MACROD2: variants seen among roughly 807,000 people sequenced by gnomAD.
The protein encoded by MACROD2 is mono-ADP ribosylhydrolase 2, also known as ADP-ribose glycohydrolase MACROD2.
In MACROD2, 36 loss-of-function variants were observed where a neutral mutation model predicts 70.4. The observed-to-expected ratio is 0.51, with a 90% confidence interval of 0.39 to 0.68. The LOEUF is 0.68. Among genes scored for constraint, MACROD2 ranks in the 30% least tolerant of loss-of-function variants. The probability of loss-of-function intolerance (pLI) is 0.00; values close to 1 mark genes in which losing one functional copy is unlikely to be tolerated. For missense variants in MACROD2, 496 were observed against 538.4 expected (o/e 0.92, Z 0.78); for synonymous variants, 172 against 178.8 (o/e 0.96, Z 0.30).
intron 8 of MACROD2, among the ~76,000 whole-genome samples, chr20:15,697,460 T>G (rs1198971614): frequency 2.6e-5 from 4 of 152,202 alleles, no homozygotes; most frequent in African/African-American, 4.8e-5. Context: ...TTGAGGCCCC[T>G]TTTATGTCCT....
chr20:14,872,543 A>G (rs963106159), intron 5 of MACROD2, among the ~76,000 whole-genome samples: 3 of 152,118 alleles, frequency 2.0e-5, no homozygotes, highest in Admixed American at 6.6e-5. Flanking sequence ...AGTGGTATGA[A>G]TAGCTTTTGG....
intron 5 of MACROD2, among the ~76,000 whole-genome samples, chr20:15,140,121 T>A (rs1743473): frequency 0.58 from 88,268 of 152,024 alleles, 25,736 homozygotes; most frequent in East Asian, 0.61. Flanking sequence ...TAATTTTCTG[T>A]AGATTTTACC....
At position 15,444,324 on chromosome 20, in the gene MACROD2, T is replaced by A. The variant is rs568872226; in HGVS notation, c.571+12889T>A. 4.6e-5 allele frequency among the ~76,000 whole-genome samples: 7 copies of A among 152,346 alleles called. No homozygotes were observed. In the East Asian group the frequency reaches 1.4e-3, roughly 29 times the overall value. ...TTCAGGATATGTGCACTGTTTCTAC[T>A]TTTTGGCTGTTGTGAACGATGTTTA... On this transcript the variant is annotated intron_variant, in intron 7 of 17. Coordinates refer to ENST00000684519, the MANE Select transcript of MACROD2 (RefSeq NM_001351661.2).
intron 3 of MACROD2, among the ~76,000 whole-genome samples, chr20:14,238,741 C>A (rs939608387): frequency 5.3e-5 from 8 of 152,108 alleles, no homozygotes; most frequent in African/African-American, 1.9e-4. Context: ...AAATCAGCAG[C>A]CTTCTGACCA....
At chr20:16,001,202 A>G (rs1601302637) in intron 15 of MACROD2, among the ~76,000 whole-genome samples, 1 of 152,242 alleles carries the variant, frequency 6.6e-6, no homozygotes, top group South Asian at 2.1e-4. Flanking sequence ...GTATGTAAAA[A>G]GCAGGTGGTA....
At chr20:14,781,938 T>C (rs1600657852) in intron 5 of MACROD2, among the ~76,000 whole-genome samples, 2 of 152,154 alleles carry the variant, frequency 1.3e-5, no homozygotes, top group African/African-American at 4.8e-5. Flanking sequence ...TTTTTCCTTT[T>C]TTTTTGAGAC....
At chr20:14,787,209 A>T (rs911010633) in intron 5 of MACROD2, among the ~76,000 whole-genome samples, 1 of 152,264 alleles carries the variant, frequency 6.6e-6, no homozygotes, top group Middle Eastern at 3.4e-3. Flanking sequence ...TTAATAACTA[A>T]TTTGAAGCTT....
chr20:15,210,589 T>C (rs1035961585), intron 5 of MACROD2, among the ~76,000 whole-genome samples: 2 of 151,596 alleles, frequency 1.3e-5, no homozygotes, highest in African/African-American at 4.8e-5. Context: ...TGTTTAGCTT[T>C]TGTTATGGTT....
In MACROD2 at chr20:14,086,513, G is replaced by A. The variant is rs373086347; in HGVS notation, c.271+785G>A. Among the ~76,000 whole-genome samples, 10 of 152,308 alleles carry A rather than the reference G, an allele frequency of 6.6e-5. 1 individual carries two copies. The South Asian group carries it at 2.1e-3, about 32-fold the overall frequency. ...TCTAAATAGACTATGACAATAAAAG[G>A]AGGAGGATGATTTCAATAGGGGGAG... On this transcript the variant is annotated intron_variant, in intron 3 of 17. Transcript: ENST00000684519.
chr20:15,438,503 C>T (rs2046456480), intron 7 of MACROD2, among the ~76,000 whole-genome samples: 1 of 152,102 alleles, frequency 6.6e-6, no homozygotes, highest in Non-Finnish European at 1.5e-5. Context: ...TGTTCATGTC[C>T]TTTGCCCACT....
chr20:15,688,410 A>G (rs2050255419), intron 8 of MACROD2, among the ~76,000 whole-genome samples: 1 of 152,188 alleles, frequency 6.6e-6, no homozygotes, highest in Non-Finnish European at 1.5e-5. Context: ...TGGGTCTTGA[A>G]GGAGCAATCT....
intron 6 of MACROD2, among the ~76,000 whole-genome samples, chr20:15,242,034 C>A (rs1490751236): frequency 6.6e-6 from 1 of 151,986 alleles, no homozygotes; most frequent in Non-Finnish European, 1.5e-5. Flanking sequence ...GTGGAGAAAC[C>A]CAGCAGATAC....
At chr20:16,016,724 C>T (rs1342519875) in intron 15 of MACROD2, among the ~76,000 whole-genome samples, 2 of 152,042 alleles carry the variant, frequency 1.3e-5, no homozygotes, top group Non-Finnish European at 2.9e-5. Flanking sequence ...TTGGTAGAGA[C>T]GGGGTTTCAC....
chr20:14,863,568 GA>G (rs1224571038), intron 5 of MACROD2, among the ~76,000 whole-genome samples: 2 of 152,060 alleles, frequency 1.3e-5, no homozygotes, highest in African/African-American at 4.8e-5. Context: ...TGTGGATAGA[GA>G]TTTCCAGAAA....
At position 15,719,501 on chromosome 20, in the gene MACROD2, A is replaced by G. The variant is rs78502604; in HGVS notation, c.646-143244A>G. 6.9e-3 allele frequency among the ~76,000 whole-genome samples: 1,045 copies of G among 152,290 alleles called. 6 individuals are homozygous for G. The highest frequency in any genetic ancestry group is 0.011 in the Non-Finnish European group (768 of 68,018). On this transcript the variant is annotated intron_variant, in intron 8 of 17. Transcript: ENST00000684519. The stretch of plus-strand genomic sequence containing the variant: ...AATCATCTCCTCACAGATTCCTCCA[A>G]AAGCTTGTTTTGAATCTCAGAAATG...
chr20:15,141,024 A>G (rs1455578226), intron 5 of MACROD2, among the ~76,000 whole-genome samples: 4 of 152,170 alleles, frequency 2.6e-5, no homozygotes, highest in Non-Finnish European at 4.4e-5. Flanking sequence ...ATACATACAT[A>G]TAGATATACA....
intron 5 of MACROD2, among the ~76,000 whole-genome samples, chr20:14,781,162 C>G (rs557920113): frequency 6.6e-6 from 1 of 152,066 alleles, no homozygotes; most frequent in South Asian, 2.1e-4. Flanking sequence ...TCAGCTGCAA[C>G]TTTGTATCCA....
chr20:15,515,661 A>G (rs1411799739), intron 8 of MACROD2, among the ~76,000 whole-genome samples: 1 of 152,222 alleles, frequency 6.6e-6, no homozygotes, highest in Admixed American at 6.5e-5. Flanking sequence ...GCATTGAATG[A>G]ACGAATGTTT....
At chr20:14,296,922 T>G (rs548356618) in intron 3 of MACROD2, among the ~76,000 whole-genome samples, 21 of 152,002 alleles carry the variant, frequency 1.4e-4, no homozygotes, top group Non-Finnish European at 2.8e-4. Flanking sequence ...AGTAAGTCTA[T>G]TGGTGCCATT....
Sources: allele counts gnomAD v4.1 joint callset (sites outside exome capture counted in the v4.1 genomes callset), GRCh38; gene constraint gnomAD v4.1.1; transcripts MANE v1.5; gene names NCBI Gene and HGNC (gene_info 2026-07-23, HGNC 2026-07-21).